AGPAT3: variants seen among roughly 807,000 people sequenced by gnomAD.
AGPAT3 encodes the protein 1-acyl-sn-glycerol-3-phosphate acyltransferase gamma.
Under a neutral mutation model 47.3 loss-of-function variants are expected in AGPAT3, and 5 were observed. The observed-to-expected ratio is 0.11, with a 90% CI of 0.06 to 0.22. AGPAT3 has a LOEUF of 0.22. AGPAT3 is among the 10% of genes least tolerant of loss of function. The probability of loss-of-function intolerance (pLI) is 1.00; values close to 1 mark genes in which losing one functional copy is unlikely to be tolerated. For missense variants in AGPAT3, 315 were observed against 493.0 expected (o/e 0.64, Z 3.42); for synonymous variants, 212 against 208.3 (o/e 1.02, Z -0.15).
At chr21:43,868,893 G>A (rs370758709) in intron 1 of AGPAT3, among the ~76,000 whole-genome samples, 7 of 152,306 alleles carry the variant, frequency 4.6e-5, no homozygotes, top group East Asian at 1.9e-4. Flanking sequence ...TGTGGCCAGC[G>A]TCTCAGCTTG....
intron 1 of AGPAT3, among the ~76,000 whole-genome samples, chr21:43,876,804 C>A (rs1569040810): frequency 6.6e-6 from 1 of 152,134 alleles, no homozygotes; most frequent in Non-Finnish European, 1.5e-5. Flanking sequence ...CTGAGCACGT[C>A]ATTATCAAAT....
At chr21:43,866,083 G>A (rs1346778941) in intron 1 of AGPAT3, among the ~76,000 whole-genome samples, 6 of 150,226 alleles carry the variant, frequency 4.0e-5, no homozygotes, top group Non-Finnish European at 8.9e-5. Flanking sequence ...GGAAAGGAGG[G>A]TTATTAGTAT....
intron 1 of AGPAT3, among the ~76,000 whole-genome samples, chr21:43,888,044 T>C (rs1289873709): frequency 6.6e-6 from 1 of 152,230 alleles, no homozygotes; most frequent in Non-Finnish European, 1.5e-5. Flanking sequence ...TTTAGTTTTT[T>C]GTTTGTTTAT....
Position 43,986,796 on chromosome 21 carries a change from C to G in AGPAT3, c.*4404C>G, listed in dbSNP as rs1239161919. Reference sequence around the variant, plus strand: ...TGACTGTTGGCCAGTTTCAAAGGGACCCATTGTATACAGGGTGCAAATGTA... The same window carrying G: ...TGACTGTTGGCCAGTTTCAAAGGGAGCCATTGTATACAGGGTGCAAATGTA... On this transcript the variant is annotated 3_prime_UTR_variant, in exon 10 of 10. Transcript: ENST00000291572. Among the ~76,000 whole-genome samples, 5 of 152,314 alleles carry G rather than the reference C, an allele frequency of 3.3e-5. No individual in the cohort carries two copies. The South Asian group carries it at 1.0e-3, about 32-fold the overall frequency.
chr21:43,969,144 G>A lies in AGPAT3; in HGVS notation c.375G>A (p.Glu125=), dbSNP rs774499427. ...GCTCCAAGGTCCTCGCTAAGAAGGA[G>A]CTGCTCTACGTGCCCCTCATCGGCT... is the stretch of plus-strand genomic sequence containing the variant. ...LGSSKVLAKK[E]LLYVPLIGWT... Residue 125 remains glutamate, a synonymous_variant, in exon 5 of 10, where the codon GAG becomes GAA. Transcript: ENST00000291572. 1 of 1,614,208 alleles carries A rather than the reference G, an allele frequency of 6.2e-7. No individual in the cohort carries two copies. Among genetic ancestry groups the A allele is most frequent in the Non-Finnish European group, 8.5e-7 (1 of 1,180,034 alleles).
At chr21:43,944,902 T>G (rs1483443900) in intron 2 of AGPAT3, among the ~76,000 whole-genome samples, 1 of 152,218 alleles carries the variant, frequency 6.6e-6, no homozygotes, top group Non-Finnish European at 1.5e-5. Context: ...GGGGGCCACG[T>G]GCCCTCAGGG....
chr21:43,890,845 C>A (rs1050331128), intron 1 of AGPAT3, among the ~76,000 whole-genome samples: 1 of 152,030 alleles, frequency 6.6e-6, no homozygotes. Flanking sequence ...TAAAGTGATT[C>A]TCCTGCCTCA....
At chr21:43,935,210 G>A (rs1424178216) in intron 2 of AGPAT3, among the ~76,000 whole-genome samples, 1 of 152,272 alleles carries the variant, frequency 6.6e-6, no homozygotes, top group Non-Finnish European at 1.5e-5. Context: ...TGCGGGCATC[G>A]GTTGTGTCAC....
Position 43,981,448 on chromosome 21 carries a change from A to G in AGPAT3, c.1042+261A>G. On this transcript the variant is annotated intron_variant, in intron 9 of 9. Transcript: ENST00000291572. This position sits in a 1 kb window ranked among gnomAD's most constrained non-coding sequence, Gnocchi z 5.3. ...GCAGCCCCACTGGCTGGCGCCCTTG[A>G]GGATGCCGACGAGAGGGTCCCCGAG... The G allele has an allele frequency of 1.8e-6, 1 of 549,932 alleles. No individual in the cohort carries two copies. The highest frequency in any genetic ancestry group is 2.1e-5 in the South Asian group (1 of 47,332). 34.1% of individuals were successfully genotyped at this position (549,932 alleles called of 1,614,324 possible). A position where few individuals can be genotyped will look rare whatever the true frequency, so the allele number is the denominator to read the frequency against.
At position 43,922,596 on chromosome 21, in the gene AGPAT3, G is replaced by A. The variant is rs939707069; in HGVS notation, c.-49+18577G>A. On this transcript the variant is annotated intron_variant, in intron 2 of 9. Coordinates refer to ENST00000291572, the MANE Select transcript of AGPAT3 (RefSeq NM_020132.5). This position sits in a 1 kb window ranked among gnomAD's most constrained non-coding sequence, Gnocchi z 4.9. ...GAGACTCTGGGCCTGGGTCCCCCCC[G>A]GCACAGTCTGTGACCTGTGACCAAA... 6.6e-6 allele frequency among the ~76,000 whole-genome samples: 1 copy of A among 152,172 alleles called. No homozygotes were observed. The highest frequency in any genetic ancestry group is 2.4e-5 in the African/African-American group (1 of 41,444).
chr21:43,982,220 G>A lies in AGPAT3; in HGVS notation c.1043-84G>A. The A allele has an allele frequency of 2.0e-6, 2 of 1,023,676 alleles. No homozygotes were observed. The highest frequency in any genetic ancestry group is 2.7e-5 in the South Asian group (2 of 74,590). The allele number at this position is 1,023,676 out of a possible 1,614,324, so 63.4% of individuals were successfully genotyped here. On this transcript the variant is annotated intron_variant, in intron 9 of 9. Transcript: ENST00000291572. The surrounding 1 kb of genome is among the most constrained non-coding windows in gnomAD (Gnocchi z 6.2). ...GCAGAGGGACAGGGTCTGGGGCAGA[G>A]GAAGGAAGCCCCAGTAACACGTTTT... is the stretch of plus-strand genomic sequence containing the variant.
intron 1 of AGPAT3, among the ~76,000 whole-genome samples, chr21:43,881,425 G>A (rs531595211): frequency 7.2e-5 from 11 of 152,180 alleles, no homozygotes; most frequent in African/African-American, 1.7e-4. Flanking sequence ...CTCAGAGAAC[G>A]TGTCATACCT....
chr21:43,948,370 A>G (rs1283295127), intron 2 of AGPAT3: 1 of 152,218 alleles, frequency 6.6e-6, no homozygotes, highest in Non-Finnish European at 1.5e-5. Context: ...TAGGAAAGCA[A>G]AAGCCTCCCT....
At chr21:43,906,308 A>G (rs1003636851) in intron 2 of AGPAT3, among the ~76,000 whole-genome samples, 5 of 152,130 alleles carry the variant, frequency 3.3e-5, no homozygotes, top group Non-Finnish European at 7.4e-5. Context: ...AACTAAGCAG[A>G]CGGTGTGGCA....
chr21:43,941,073 A>T (rs2087637388), intron 2 of AGPAT3, among the ~76,000 whole-genome samples: 1 of 152,196 alleles, frequency 6.6e-6, no homozygotes, highest in Admixed American at 6.5e-5. Context: ...GGGGTGTGTG[A>T]TGATGGTACC....
At chr21:43,968,575 G>A (rs934712484) in intron 4 of AGPAT3, among the ~76,000 whole-genome samples, 5 of 151,962 alleles carry the variant, frequency 3.3e-5, no homozygotes, top group Non-Finnish European at 2.9e-5. Context: ...CCTGGGGTCC[G>A]AGTCCCTGGG....
Position 43,984,681 on chromosome 21 carries a change from A to ATT in AGPAT3, c.*2300_*2301dup. The stretch of plus-strand genomic sequence containing the variant: ...TAAAAACTACACCATGAATGTTTGA[A>ATT]TTTTTTTTTTTTGGGGGGGGGAGGG... On this transcript the variant is annotated 3_prime_UTR_variant, in exon 10 of 10. Transcript: ENST00000291572. The ATT allele has an allele frequency of 6.4e-5, 8 of 125,002 alleles. No individual in the cohort carries two copies. In the South Asian group the frequency reaches 6.6e-4, roughly 10 times the overall value. 7.7% of individuals were successfully genotyped at this position (125,002 alleles called of 1,614,324 possible). A position where few individuals can be genotyped will look rare whatever the true frequency, so the allele number is the denominator to read the frequency against.
At chr21:43,878,337 C>T (rs1339668754) in intron 1 of AGPAT3, among the ~76,000 whole-genome samples, 1 of 152,266 alleles carries the variant, frequency 6.6e-6, no homozygotes, top group Non-Finnish European at 1.5e-5. Flanking sequence ...ACTTAATGCA[C>T]AACGGAGTCA....
intron 2 of AGPAT3, among the ~76,000 whole-genome samples, chr21:43,938,287 T>TAGAAGTC (rs2146342854): frequency 6.6e-6 from 1 of 151,458 alleles, no homozygotes; most frequent in South Asian, 2.1e-4. Flanking sequence ...TACTGAGGAT[T>TAGAAGTC]AGAAGTCAGA....
Sources: gnomAD v4.1 joint callset for allele counts (sites outside exome capture counted in the v4.1 genomes callset) on GRCh38, gnomAD v4.1.1 for gene constraint, Gnocchi (gnomAD v3.1) non-coding constraint, MANE v1.5 for transcripts, NCBI Gene and HGNC (gene_info 2026-07-23, HGNC 2026-07-21) for gene names.